The following ACSM2B variants were observed in gnomAD, a reference collection of about 807,000 sequenced individuals.
ACSM2B encodes acyl-CoA synthetase medium chain family member 2B, also known as acyl-coenzyme A synthetase ACSM2B, mitochondrial.
In ACSM2B, 58 loss-of-function variants were observed where a neutral mutation model predicts 78.6. The ratio of observed to expected loss-of-function variants is 0.74; its 90% confidence interval spans 0.60 to 0.92. The LOEUF is 0.92. ACSM2B is among the 40% of genes least tolerant of loss of function. ACSM2B has a pLI of 0.00. For synonymous variants in ACSM2B, 257 were observed against 256.8 expected, an observed-to-expected ratio of 1.00 and a Z score of -0.01; for missense variants, 688 against 711.2, an observed-to-expected ratio of 0.97 and a Z score of 0.37.
intron 1 of ACSM2B, among the ~76,000 whole-genome samples, chr16:20,570,462 C>A (rs1287919596): frequency 6.6e-6 from 1 of 151,950 alleles, no homozygotes; most frequent in East Asian, 1.9e-4. Flanking sequence ...ATTCAGTTAG[C>A]TAGCAGCTAA....
chr16:20,559,281 C>G lies in ACSM2B; in HGVS notation c.344G>C (p.Arg115Pro), dbSNP rs201089298. ...RGDRVAVMLP[R>P]VPEWWLVILG... ...GATCACCAGCCACCACTCAGGCACTCGGGGCAGCATCACTGCCACACGATC... is the reference window on the plus strand; with the variant it reads ...GATCACCAGCCACCACTCAGGCACTGGGGGCAGCATCACTGCCACACGATC... Residue 115 changes from arginine to proline, a missense_variant, in exon 3 of 14, where the codon CGA becomes CCA. Arg to Pro is a moderately radical substitution (Grantham distance 103). Coordinates refer to ENST00000329697, the MANE Select transcript of ACSM2B (RefSeq NM_001105069.2). 8.7e-5 allele frequency: 140 copies of G among 1,613,512 alleles called. No individual in the cohort carries two copies. Among genetic ancestry groups the G allele is most frequent in the Admixed American group, 1.5e-4 (9 of 59,978 alleles).
Position 20,555,462 on chromosome 16 carries a change from G to C in ACSM2B, c.403C>G (p.Pro135Ala). 1 of 1,613,054 alleles carries C rather than the reference G, an allele frequency of 6.2e-7. No homozygotes were observed. The highest frequency in any genetic ancestry group is 8.5e-7 in the Non-Finnish European group (1 of 1,179,180). The change falls in exon 4 of 14, where the codon CCT (proline) becomes GCT (alanine). Residue 135 changes from proline to alanine, a missense_variant. Coordinates refer to ENST00000329697, the MANE Select transcript of ACSM2B (RefSeq NM_001105069.2). Reference protein sequence around the residue: ...GCIRAGLIFMPGTIQMKSTDI... With the variant: ...GCIRAGLIFMAGTIQMKSTDI... ...GTGGATTTCATCTGGATGGTTCCAGGCATAAAGATGAGACCTAAAGAAGCC... is the reference window on the plus strand; with the variant it reads ...GTGGATTTCATCTGGATGGTTCCAGCCATAAAGATGAGACCTAAAGAAGCC...
chr16:20,558,398 G>A (rs967475520), intron 3 of ACSM2B, among the ~76,000 whole-genome samples: 2 of 148,482 alleles, frequency 1.3e-5, no homozygotes, highest in Non-Finnish European at 3.0e-5. Flanking sequence ...GATTTCCTGG[G>A]GAGGTGGATT....
intron 8 of ACSM2B, chr16:20,547,218 G>T: frequency 1.0e-6 from 1 of 987,080 alleles, no homozygotes; most frequent in Non-Finnish European, 1.2e-6. Flanking sequence ...ATGGGAATCT[G>T]AGTGTCCTTG....
intron 1 of ACSM2B, among the ~76,000 whole-genome samples, chr16:20,568,587 G>C (rs1567220058): frequency 6.6e-6 from 1 of 151,446 alleles, no homozygotes; most frequent in Non-Finnish European, 1.5e-5. Flanking sequence ...TAGATACCCA[G>C]TAGTGGGATT....
In ACSM2B at chr16:20,537,360, T is replaced by C. The variant is rs907172356; in HGVS notation, c.1632A>G (p.Ile544Met). The C allele has an allele frequency of 1.2e-6, 2 of 1,613,960 alleles. No homozygotes were observed. The highest frequency in any genetic ancestry group is 1.7e-5 in the Admixed American group (1 of 60,020). Residue 544 changes from isoleucine to methionine, a missense_variant and splice_region_variant, in exon 14 of 14, where the codon ATA becomes ATG. By Grantham distance (10) the Ile-to-Met change is conservative (BLOSUM62 1). Coordinates refer to ENST00000329697, the MANE Select transcript of ACSM2B (RefSeq NM_001105069.2). ...TCTTGGGCAGGTTCAAGACAAACTC[T>C]ATCTGTTGAAAAACAAATCAGTCCA... Reference protein sequence around the residue: ...VTAPYKYPRKIEFVLNLPKTV... With the variant: ...VTAPYKYPRKMEFVLNLPKTV...
chr16:20,560,339 G>C (rs1460372041), intron 2 of ACSM2B, among the ~76,000 whole-genome samples: 1 of 151,906 alleles, frequency 6.6e-6, no homozygotes, highest in Non-Finnish European at 1.5e-5. Context: ...TGGATCATGG[G>C]GGTGGGACCC....
At chr16:20,574,060 A>T (rs2016174770) in intron 1 of ACSM2B, 2 of 152,160 alleles carry the variant, frequency 1.3e-5, no homozygotes, top group Non-Finnish European at 1.5e-5. Flanking sequence ...TTCAATCCTT[A>T]TCTCAACCGC....
At chr16:20,565,906 G>C (rs2015811775) in intron 1 of ACSM2B, among the ~76,000 whole-genome samples, 1 of 151,752 alleles carries the variant, frequency 6.6e-6, no homozygotes, top group African/African-American at 2.4e-5. Flanking sequence ...TTATGGCTGA[G>C]AACATATGAT....
intron 3 of ACSM2B, among the ~76,000 whole-genome samples, chr16:20,556,538 G>T (rs571113197): frequency 6.6e-6 from 1 of 152,254 alleles, no homozygotes; most frequent in East Asian, 1.9e-4. Context: ...GGAGGCAAAG[G>T]TTGCAGTGAG....
rs568325064 is a variant in ACSM2B, at chr16:20,539,624, C to G, written c.1629+1030G>C. ...TAGGGGAGCTCTCTCCCCCATCCCC[C>G]CTGCACTTTCTCTGAGGATGACTTG... is the stretch of plus-strand genomic sequence containing the variant. On this transcript the variant is annotated intron_variant, in intron 13 of 13. Transcript: ENST00000329697. 9.2e-5 allele frequency among the ~76,000 whole-genome samples: 14 copies of G among 152,114 alleles called. No homozygotes were observed. In the East Asian group the frequency reaches 2.3e-3, roughly 25 times the overall value.
At chr16:20,562,470 C>A (rs2015691876) in intron 2 of ACSM2B, among the ~76,000 whole-genome samples, 1 of 152,158 alleles carries the variant, frequency 6.6e-6, no homozygotes, top group Non-Finnish European at 1.5e-5. Flanking sequence ...CACAGCCTTG[C>A]TAATAGAGTT....
chr16:20,568,501 T>C (rs1234463134), intron 1 of ACSM2B, among the ~76,000 whole-genome samples: 1 of 150,984 alleles, frequency 6.6e-6, no homozygotes, highest in Non-Finnish European at 1.5e-5. Context: ...TCCATATTCC[T>C]GTAATTGCAA....
At chr16:20,546,261 C>T (rs983967926) in intron 9 of ACSM2B, 133 bp downstream of exon 9, 255 of 1,431,544 alleles carry the variant, frequency 1.8e-4, no homozygotes, top group Non-Finnish European at 2.2e-4. Context: ...AACCTCCCTC[C>T]GTCCCTTTTT....
intron 10 of ACSM2B, chr16:20,544,469 T>C (rs1233930113): frequency 3.0e-6 from 2 of 675,792 alleles, no homozygotes; most frequent in Non-Finnish European, 3.6e-6. Flanking sequence ...AAAAATTAAA[T>C]GTGTTTATAC....
intron 3 of ACSM2B, 119 bp downstream of exon 3, chr16:20,559,118 T>C: frequency 6.9e-7 from 1 of 1,454,718 alleles, no homozygotes; most frequent in Non-Finnish European, 9.1e-7. Context: ...TTTCTTCATA[T>C]GAGAGAGGAC....
At chr16:20,543,038 G>C (rs767358937) in intron 11 of ACSM2B, 25 bp from the exon 12 acceptor site, 1 of 1,613,454 alleles carries the variant, frequency 6.2e-7, no homozygotes, top group South Asian at 1.1e-5. Context: ...GTCCTTCAGA[G>C]AACACTGGAC....
intron 13 of ACSM2B, among the ~76,000 whole-genome samples, chr16:20,538,900 C>G (rs934936313): frequency 6.6e-6 from 1 of 152,076 alleles, no homozygotes; most frequent in African/African-American, 2.4e-5. Context: ...TGATATGCAG[C>G]TAAGATCCTC....
At chr16:20,540,172 C>T (rs2014944868) in intron 13 of ACSM2B, among the ~76,000 whole-genome samples, 1 of 150,632 alleles carries the variant, frequency 6.6e-6, no homozygotes, top group Non-Finnish European at 1.5e-5. Flanking sequence ...AAGATAGTTG[C>T]TAGATTGTCT....
Sources: allele counts gnomAD v4.1 joint callset (sites outside exome capture counted in the v4.1 genomes callset), GRCh38; gene constraint gnomAD v4.1.1; transcripts MANE v1.5; gene names NCBI Gene and HGNC (gene_info 2026-07-23, HGNC 2026-07-21).